The following PIP4P1 variants were observed in gnomAD, a reference collection of about 807,000 sequenced individuals.
PIP4P1 encodes type 1 phosphatidylinositol 4,5-bisphosphate 4-phosphatase.
PIP4P1 carries 14 observed loss-of-function variants against 32.3 expected under a neutral mutation model. The observed-to-expected ratio is 0.43, with a 90% confidence interval of 0.29 to 0.68. The LOEUF (loss-of-function observed/expected upper bound fraction) is 0.68, where lower values mean the gene tolerates loss of function less well. PIP4P1 is among the 30% of genes least tolerant of loss of function. The probability of loss-of-function intolerance (pLI) is 0.15; values close to 1 mark genes in which losing one functional copy is unlikely to be tolerated. For synonymous variants in PIP4P1, 132 were observed against 137.9 expected (o/e 0.96, Z 0.30); for missense variants, 289 against 364.5 (o/e 0.79, Z 1.69).
chr14:20,457,748 AATAAAG>A lies in PIP4P1; in HGVS notation c.*805_*810del. On this transcript the variant is annotated 3_prime_UTR_variant, in exon 7 of 7. Transcript: ENST00000250489. ...ACTTTGTTTGAATTATCCACATGAA[AATAAAG>A]AGCCATAGTTTCAGCCTTGCTGTCT... 1.7e-6 allele frequency: 1 copy of A among 576,898 alleles called. No individual in the cohort carries two copies. Among genetic ancestry groups the A allele is most frequent in the South Asian group, 2.0e-5 (1 of 49,118 alleles). The allele number at this position is 576,898 out of a possible 1,614,324, so 35.7% of individuals were successfully genotyped here.
intron 6 of PIP4P1, 148 bp from the exon 7 acceptor site, chr14:20,458,850 G>A: frequency 1.0e-6 from 1 of 978,004 alleles, no homozygotes; most frequent in Non-Finnish European, 1.5e-6. Context: ...CTTCTTAAAG[G>A]CAGAGCTGAT....
Position 20,459,750 on chromosome 14 carries a change from G to T in PIP4P1, c.441-17C>A, listed in dbSNP as rs146270743. On this transcript the variant is annotated splice_polypyrimidine_tract_variant and intron_variant, in intron 3 of 6. Transcript: ENST00000250489. ...ATTCTTTTGCTATACAAAAGAAAAA[G>T]ACTTGTATTTTCAAACTTGTGTTTG... 12 of 1,602,456 alleles carry T rather than the reference G, an allele frequency of 7.5e-6. No homozygotes were observed. The highest frequency in any genetic ancestry group is 1.1e-5 in the South Asian group (1 of 89,418).
At position 20,460,755 on chromosome 14, in the gene PIP4P1, C is replaced by T; in HGVS notation, c.233G>A (p.Ser78Asn). The change falls in exon 2 of 7, where the codon AGT becomes AAT. Residue 78 changes from serine to asparagine, a missense_variant. Ser to Asn is a conservative substitution (Grantham distance 46, BLOSUM62 1). This residue lies in a region of PIP4P1 where 181 missense variants were observed against 263.3 expected (regional missense o/e 0.69). Coordinates refer to ENST00000250489, the MANE Select transcript of PIP4P1 (RefSeq NM_144568.4). ...GACTCGGCAGGTGATCATAGGGGCA[C>T]TCCCACTGTCCGGGCTAGTTAAGGG... ...YSPLTSPDSG[S>N]APMITCRVCQ... 6.2e-7 allele frequency: 1 copy of T among 1,612,992 alleles called. No homozygotes were observed. Among genetic ancestry groups the T allele is most frequent in the Non-Finnish European group, 8.5e-7 (1 of 1,179,386 alleles).
Position 20,461,146 on chromosome 14 carries a change from G to A in PIP4P1, c.142+38C>T, listed in dbSNP as rs1317206799. 1.0e-5 allele frequency: 13 copies of A among 1,262,386 alleles called. No individual in the cohort carries two copies. In the African/African-American group the frequency reaches 1.1e-4, roughly 11 times the overall value. The allele number at this position is 1,262,386 out of a possible 1,614,324, so 78.2% of individuals were successfully genotyped here. On this transcript the variant is annotated intron_variant, in intron 1 of 6. Coordinates refer to ENST00000250489, the MANE Select transcript of PIP4P1 (RefSeq NM_144568.4). ...TCAGAGTACCCCGGGGAGCACCTCGGACCCGCCCCGGCTTACCCTGGGGCG... is the reference window on the plus strand; with the variant it reads ...TCAGAGTACCCCGGGGAGCACCTCGAACCCGCCCCGGCTTACCCTGGGGCG...
Position 20,460,902 on chromosome 14 carries a change from C to T in PIP4P1, c.143-57G>A. The T allele has an allele frequency of 2.0e-6, 3 of 1,487,594 alleles. 1 individual carries two copies. Among genetic ancestry groups the T allele is most frequent in the East Asian group, 4.9e-5 (2 of 40,876 alleles). 92.1% of individuals were successfully genotyped at this position (1,487,594 alleles called of 1,614,324 possible). A position where few individuals can be genotyped will look rare whatever the true frequency, so the allele number is the denominator to read the frequency against. On this transcript the variant is annotated intron_variant, in intron 1 of 6. Transcript: ENST00000250489. ...CACTTACACCCCCACTGATGCTCCACGGTGGTAGGGAAGTCCTTCTGATCT... is the reference window on the plus strand; with the variant it reads ...CACTTACACCCCCACTGATGCTCCATGGTGGTAGGGAAGTCCTTCTGATCT...
Position 20,460,463 on chromosome 14 carries a change from A to G in PIP4P1, c.334-165T>C, listed in dbSNP as rs147027301. ...TGCAAATAGGAACTAGGCTAGGTGT[A>G]AAAGTGAGAGAAAGTGAACATTAGC... On this transcript the variant is annotated intron_variant, in intron 2 of 6. Coordinates refer to ENST00000250489, the MANE Select transcript of PIP4P1 (RefSeq NM_144568.4). The G allele has an allele frequency of 7.9e-4, 599 of 757,666 alleles. 1 individual carries two copies. The African/African-American group carries it at 9.4e-3, about 12-fold the overall frequency. 46.9% of individuals were successfully genotyped at this position (757,666 alleles called of 1,614,324 possible). A position where few individuals can be genotyped will look rare whatever the true frequency, so the allele number is the denominator to read the frequency against.
intron 6 of PIP4P1, 176 bp downstream of exon 6, chr14:20,459,030 A>G: frequency 1.5e-6 from 1 of 664,944 alleles, no homozygotes; most frequent in Non-Finnish European, 2.6e-6. Flanking sequence ...TCACTCTTGT[A>G]GTAGTAATAA....
At chr14:20,460,129 C>A in intron 3 of PIP4P1, 63 bp downstream of exon 3, 1 of 1,235,876 alleles carries the variant, frequency 8.1e-7, no homozygotes, top group Non-Finnish European at 1.2e-6. Context: ...TCTCTGTATA[C>A]GCTCATCCTT....
chr14:20,458,753 C>A, intron 6 of PIP4P1, 51 bp from the exon 7 acceptor site: 1 of 1,570,910 alleles, frequency 6.4e-7, no homozygotes, highest in South Asian at 1.2e-5. Flanking sequence ...TAATGTTGGT[C>A]TCCACTACCT....
At position 20,459,241 on chromosome 14, in the gene PIP4P1, C is replaced by T. The variant is rs143203150; in HGVS notation, c.655G>A (p.Gly219Ser). The change falls in exon 6 of 7, where the codon GGC (glycine) becomes AGC (serine). Residue 219 changes from glycine (G) to serine (S), a missense_variant. Physicochemically the swap from Gly to Ser is moderately conservative, Grantham distance 56. Around this residue, in one of 2 missense-constraint regions of PIP4P1, gnomAD observed 181 missense variants for 263.3 expected, o/e 0.69. Transcript: ENST00000250489. ...RKRCICCFLLGLLLAVTATGL... is the reference protein window; with the variant it reads ...RKRCICCFLLSLLLAVTATGL... ...GTGGCAGTGACTGCCAAAAGCAAGC[C>T]AAGCAAGAAGCAGCAGATACATCTC... The T allele has an allele frequency of 9.9e-6, 16 of 1,614,092 alleles. No individual in the cohort carries two copies. The African/African-American group carries it at 1.6e-4, about 16-fold the overall frequency.
chr14:20,459,185 G>C (rs1881597269), intron 6 of PIP4P1, 21 bp downstream of exon 6: 3 of 1,613,054 alleles, frequency 1.9e-6, no homozygotes, highest in Non-Finnish European at 2.5e-6. Context: ...GAATGAAAGA[G>C]GTTGGGGCAA....
rs983425889 is a variant in PIP4P1, at chr14:20,458,116, G to A, written c.*443C>T. ...CACAATGTGGGGAGAGGAGACTGAG[G>A]GTACTGAGGCCAGAGCCAACCTCTG... is the stretch of plus-strand genomic sequence containing the variant. On this transcript the variant is annotated 3_prime_UTR_variant, in exon 7 of 7. Transcript: ENST00000250489. 3.3e-5 allele frequency: 12 copies of A among 364,424 alleles called. No homozygotes were observed. The highest frequency in any genetic ancestry group is 6.4e-5 in the African/African-American group (3 of 46,988). 22.6% of individuals were successfully genotyped at this position (364,424 alleles called of 1,614,324 possible). A position where few individuals can be genotyped will look rare whatever the true frequency, so the allele number is the denominator to read the frequency against.
At chr14:20,460,046 C>G (rs1296917714) in intron 3 of PIP4P1, 146 bp downstream of exon 3, 8 of 699,072 alleles carry the variant, frequency 1.1e-5, no homozygotes, top group South Asian at 1.6e-5. Context: ...AGAAAGACAG[C>G]TATAACATTC....
Position 20,459,630 on chromosome 14 carries a change from G to A in PIP4P1, c.544C>T (p.Leu182=), listed in dbSNP as rs949645050. ...VICGHCKNTF[L]WTEFTDRTLA... Reference sequence around the variant, plus strand: ...CCTTCCCAATACCCCTTCCTCACCAGAAAAGTATTCTTGCAATGTCCACAG... The same window carrying A: ...CCTTCCCAATACCCCTTCCTCACCAAAAAAGTATTCTTGCAATGTCCACAG... Residue 182 remains leucine (L), a splice_region_variant and synonymous_variant, in exon 4 of 7, where the codon CTG becomes TTG. Coordinates refer to ENST00000250489, the MANE Select transcript of PIP4P1 (RefSeq NM_144568.4). 3.1e-6 allele frequency: 5 copies of A among 1,613,556 alleles called. No individual in the cohort carries two copies. In the African/African-American group the frequency reaches 4.0e-5, roughly 13 times the overall value.
chr14:20,460,922 T>C lies in PIP4P1; in HGVS notation c.143-77A>G, dbSNP rs906900934. 61 of 1,459,050 alleles carry C rather than the reference T, an allele frequency of 4.2e-5. No homozygotes were observed. In the African/African-American group the frequency reaches 7.1e-4, roughly 17 times the overall value. 90.4% of individuals were successfully genotyped at this position (1,459,050 alleles called of 1,614,324 possible). A position where few individuals can be genotyped will look rare whatever the true frequency, so the allele number is the denominator to read the frequency against. On this transcript the variant is annotated intron_variant, in intron 1 of 6. Coordinates refer to ENST00000250489, the MANE Select transcript of PIP4P1 (RefSeq NM_144568.4). ...CTCCACGGTGGTAGGGAAGTCCTTC[T>C]GATCTTCAACCCTCTGACCAAGCTC...
In PIP4P1 at chr14:20,460,840, G is replaced by A; in HGVS notation, c.148C>T (p.Pro50Ser). The part of the protein sequence containing the change: ...PSAPPYGAAF[P>S]PFPEGHPAVL... The stretch of plus-strand genomic sequence containing the variant: ...GCTGGATGCCCCTCGGGAAACGGGG[G>A]AAATGCTGGAGAGGAAGCAAATAGA... The change falls in exon 2 of 7, where the codon CCC becomes TCC. Residue 50 changes from proline to serine, a missense_variant. Around this residue, in one of 2 missense-constraint regions of PIP4P1, gnomAD observed 108 missense variants for 101.2 expected, o/e 1.07. Transcript: ENST00000250489. 6.4e-7 allele frequency: 1 copy of A among 1,551,866 alleles called. No individual in the cohort carries two copies. Among genetic ancestry groups the A allele is most frequent in the Non-Finnish European group, 8.7e-7 (1 of 1,152,410 alleles).
chr14:20,457,896 G>A lies in PIP4P1; in HGVS notation c.*663C>T. The A allele has an allele frequency of 2.9e-6, 1 of 340,698 alleles. No homozygotes were observed. The highest frequency in any genetic ancestry group is 2.5e-5 in the South Asian group (1 of 40,308). 21.1% of individuals were successfully genotyped at this position (340,698 alleles called of 1,614,324 possible). On this transcript the variant is annotated 3_prime_UTR_variant, in exon 7 of 7. Transcript: ENST00000250489. ...TTATTTATTTACAAGCACAGGATAA[G>A]TCCCTAACCTCCCCCAAAGACTGAG...
In PIP4P1 at chr14:20,460,275, C is replaced by T. The variant is rs1348714188; in HGVS notation, c.357G>A (p.Gly119=). ...EATPIKNAPP[G]KKYVRCPCNC... is the part of the protein sequence containing the mutation. ...TACAGGGGCATCGAACATATTTTTT[C>T]CCTGGGGGTGCATTCTTGATTGGCT... is the stretch of plus-strand genomic sequence containing the variant. Residue 119 remains glycine, a synonymous_variant, in exon 3 of 7, where the codon GGG becomes GGA. Transcript: ENST00000250489. 3 of 1,613,876 alleles carry T rather than the reference C, an allele frequency of 1.9e-6. No homozygotes were observed. Among genetic ancestry groups the T allele is most frequent in the Non-Finnish European group, 2.5e-6 (3 of 1,179,954 alleles).
chr14:20,461,141 C>T (rs778119629), intron 1 of PIP4P1, 43 bp downstream of exon 1: 19 of 1,262,198 alleles, frequency 1.5e-5, no homozygotes, highest in South Asian at 1.0e-4. Context: ...CCGGGGAGCA[C>T]CTCGGACCCG....
Sources: gnomAD v4.1 joint callset for allele counts on GRCh38, gnomAD v4.1.1 for gene constraint, gnomAD v4.1.1 regional missense constraint, MANE v1.5 for transcripts, NCBI Gene and HGNC (gene_info 2026-07-23, HGNC 2026-07-21) for gene names.